Variants in EXOC6B observed in about 807,000 individuals in gnomAD.
The protein encoded by EXOC6B is exocyst complex component 6B, also known as SEC15 homolog B.
In EXOC6B, 54 loss-of-function variants were observed where a neutral mutation model predicts 113.5. The ratio of observed to expected loss-of-function variants is 0.48; its 90% CI spans 0.38 to 0.60. EXOC6B has a LOEUF of 0.60. Ranked by LOEUF, EXOC6B falls within the 20% of genes least tolerant of loss-of-function variation. The pLI is 0.00. For synonymous variants in EXOC6B, 357 were observed against 339.0 expected, an observed-to-expected ratio of 1.05 and a Z score of -0.58; for missense variants, 797 against 977.5, an observed-to-expected ratio of 0.82 and a Z score of 2.46.
At chr2:72,701,087 T>C (rs1191660660) in intron 6 of EXOC6B, among the ~76,000 whole-genome samples, 1 of 152,140 alleles carries the variant, frequency 6.6e-6, no homozygotes, top group Non-Finnish European at 1.5e-5. Context: ...CTCACGCCTG[T>C]AATCCCAACA....
intron 1 of EXOC6B, among the ~76,000 whole-genome samples, chr2:72,752,348 T>C (rs1682101888): frequency 6.6e-6 from 1 of 152,094 alleles, no homozygotes; most frequent in African/African-American, 2.4e-5. Context: ...GTTCTAAAAA[T>C]CTCATATATC....
intron 6 of EXOC6B, among the ~76,000 whole-genome samples, chr2:72,646,453 AG>A (rs1673722192): frequency 1.3e-5 from 2 of 152,212 alleles, no homozygotes; most frequent in African/African-American, 4.8e-5. Context: ...TCATTTTATG[AG>A]GCCAGCATCA....
At chr2:72,505,876 G>A (rs1213016181) in intron 11 of EXOC6B, among the ~76,000 whole-genome samples, 1 of 151,952 alleles carries the variant, frequency 6.6e-6, no homozygotes, top group Non-Finnish European at 1.5e-5. Context: ...TTGCTTTTCT[G>A]TATCTACTGA....
intron 8 of EXOC6B, among the ~76,000 whole-genome samples, chr2:72,538,873 C>T (rs1702443791): frequency 6.6e-6 from 1 of 152,150 alleles, no homozygotes; most frequent in Non-Finnish European, 1.5e-5. Flanking sequence ...ACATCTCTGG[C>T]CTGCTATGTT....
intron 18 of EXOC6B, chr2:72,462,500 A>C (rs1697753860): frequency 6.6e-6 from 1 of 152,006 alleles, no homozygotes; most frequent in African/African-American, 2.4e-5. Context: ...GGAGGGCACA[A>C]AAATTTCAGA....
At chr2:72,720,795 T>C (rs924235290) in intron 5 of EXOC6B, among the ~76,000 whole-genome samples, 1 of 151,304 alleles carries the variant, frequency 6.6e-6, no homozygotes, top group Non-Finnish European at 1.5e-5. Flanking sequence ...AGAGCTGAAA[T>C]GGCTGTATTA....
intron 18 of EXOC6B, among the ~76,000 whole-genome samples, chr2:72,385,207 C>T (rs1691928227): frequency 6.6e-6 from 1 of 152,074 alleles, no homozygotes. Context: ...AATAAACCCA[C>T]ACATTTATGG....
intron 1 of EXOC6B, among the ~76,000 whole-genome samples, chr2:72,800,873 A>C (rs953823103): frequency 1.3e-5 from 2 of 152,212 alleles, no homozygotes; most frequent in Non-Finnish European, 2.9e-5. Flanking sequence ...ACACTCTATC[A>C]ACGATGTAAA....
chr2:72,492,239 C>T (rs553263550), intron 16 of EXOC6B, 79 bp downstream of exon 16: 14 of 684,884 alleles, frequency 2.0e-5, no homozygotes, highest in African/African-American at 5.4e-5. Flanking sequence ...AAAGTTTTAA[C>T]GAATTCAGAC....
intron 8 of EXOC6B, among the ~76,000 whole-genome samples, chr2:72,522,991 T>A (rs1310162885): frequency 6.6e-6 from 1 of 152,176 alleles, no homozygotes; most frequent in East Asian, 1.9e-4. Context: ...GGGCTCTGAA[T>A]GAATGCTTAA....
At chr2:72,664,050 T>A (rs1376094084) in intron 6 of EXOC6B, among the ~76,000 whole-genome samples, 2 of 152,132 alleles carry the variant, frequency 1.3e-5, no homozygotes, top group Non-Finnish European at 2.9e-5. Flanking sequence ...AGTTCACGGC[T>A]GCAATCCCAA....
intron 20 of EXOC6B, among the ~76,000 whole-genome samples, chr2:72,221,146 C>G (rs1680844115): frequency 6.6e-6 from 1 of 152,100 alleles, no homozygotes; most frequent in African/African-American, 2.4e-5. Flanking sequence ...CTAGTTAGTT[C>G]CCATTTCTTT....
chr2:72,338,717 C>T (rs558444270), intron 19 of EXOC6B, among the ~76,000 whole-genome samples: 48 of 152,066 alleles, frequency 3.2e-4, no homozygotes, highest in Non-Finnish European at 5.3e-4. Context: ...ACTTTGTATA[C>T]GGTCTAATTT....
chr2:72,406,927 G>T (rs1264312272), intron 18 of EXOC6B, among the ~76,000 whole-genome samples: 1 of 152,002 alleles, frequency 6.6e-6, no homozygotes, highest in East Asian at 1.9e-4. Flanking sequence ...CTGGTTTTTT[G>T]AAAAGATCAA....
intron 18 of EXOC6B, among the ~76,000 whole-genome samples, chr2:72,451,654 CTGTGTGTGTGTGTG>C (rs141514102): frequency 1.4e-5 from 2 of 142,496 alleles, no homozygotes; most frequent in African/African-American, 2.6e-5. Context: ...GTCTTTGTGC[CTGTGTGTGTGTGTG>C]TGTGTGTGTG....
rs570332843 is a variant in EXOC6B, at chr2:72,607,587, AT to A, written c.670-31920del. On this transcript the variant is annotated intron_variant, in intron 6 of 21. Transcript: ENST00000272427. ...CCAAGTCTTTAGGTGAATATTTTAT[AT>A]CTTAGAGTCCAGGGCATAGTCCAGA... 2.5e-3 allele frequency among the ~76,000 whole-genome samples: 388 copies of A among 152,274 alleles called. 1 individual carries two copies. The highest frequency in any genetic ancestry group is 9.0e-3 in the African/African-American group (374 of 41,554).
intron 8 of EXOC6B, among the ~76,000 whole-genome samples, chr2:72,554,760 T>C (rs969055785): frequency 6.6e-6 from 1 of 152,158 alleles, no homozygotes. Context: ...TTTTATTTTT[T>C]ATTTTTTTAT....
At chr2:72,725,191 A>G (rs897822174) in intron 5 of EXOC6B, among the ~76,000 whole-genome samples, 1 of 152,230 alleles carries the variant, frequency 6.6e-6, no homozygotes, top group Admixed American at 6.5e-5. Flanking sequence ...GCTAGAGAAA[A>G]GACATACTAC....
intron 17 of EXOC6B, among the ~76,000 whole-genome samples, chr2:72,471,431 G>T (rs1698405980): frequency 6.6e-6 from 1 of 152,102 alleles, no homozygotes; most frequent in Admixed American, 6.6e-5. Flanking sequence ...CACTCTGATG[G>T]TAGTTTCTTT....
Sources: gnomAD v4.1 joint callset for allele counts (sites outside exome capture counted in the v4.1 genomes callset) on GRCh38, gnomAD v4.1.1 for gene constraint, MANE v1.5 for transcripts, NCBI Gene and HGNC (gene_info 2026-07-23, HGNC 2026-07-21) for gene names.